ASIC2: variants seen among roughly 807,000 people sequenced by gnomAD.
The protein encoded by ASIC2 is acid-sensing ion channel 2.
A neutral mutation model predicts 57.3 loss-of-function variants in ASIC2; 25 were observed. The observed-to-expected ratio is 0.44, with a 90% CI of 0.32 to 0.61. The LOEUF is 0.61. Ranked by LOEUF, ASIC2 falls within the 20% of genes least tolerant of loss-of-function variation. The probability of loss-of-function intolerance (pLI) is 0.06; values close to 1 mark genes in which losing one functional copy is unlikely to be tolerated. For missense variants in ASIC2, 641 were observed against 738.1 expected (o/e 0.87, Z 1.52); for synonymous variants, 319 against 307.5 (o/e 1.04, Z -0.39).
chr17:33,421,653 T>C (rs980896618), intron 1 of ASIC2, among the ~76,000 whole-genome samples: 2 of 152,138 alleles, frequency 1.3e-5, no homozygotes, highest in Admixed American at 6.5e-5. Flanking sequence ...AAGGCAAAAG[T>C]GAGGTTTGTT....
rs191263252 is a variant in ASIC2, at chr17:33,873,845, C to G, written c.555+282133G>C. ...AGAAGCAGATGCCTCAAGCTCCCCTCTTTGTGAGAGAATAGTCTATGGCCC... is the reference window on the plus strand; with the variant it reads ...AGAAGCAGATGCCTCAAGCTCCCCTGTTTGTGAGAGAATAGTCTATGGCCC... On this transcript the variant is annotated intron_variant, in intron 1 of 9. Coordinates refer to the ASIC2 transcript ENST00000359872. Among the ~76,000 whole-genome samples the G allele has an allele frequency of 1.7e-4, 26 of 152,294 alleles. No homozygotes were observed. The East Asian group carries it at 5.0e-3, about 29-fold the overall frequency.
intron 1 of ASIC2, among the ~76,000 whole-genome samples, chr17:34,090,162 G>A (rs955513183): frequency 6.6e-6 from 1 of 152,162 alleles, no homozygotes; most frequent in African/African-American, 2.4e-5. Context: ...AGGGCTAGGG[G>A]GATGTGGTTT....
At position 33,495,550 on chromosome 17, in the gene ASIC2, T is replaced by A. The variant is rs138714752; in HGVS notation, c.556-383483A>T. ...ATGGCTCTCTGGGAACTCAGATTGA[T>A]CTTGCGTGCCTGTTTCCTATTGAGT... On this transcript the variant is annotated intron_variant, in intron 1 of 9. Coordinates refer to the ASIC2 transcript ENST00000359872. Among the ~76,000 whole-genome samples, 711 of 152,322 alleles carry A rather than the reference T, an allele frequency of 4.7e-3. 6 individuals are homozygous for A. The highest frequency in any genetic ancestry group is 0.016 in the African/African-American group (673 of 41,574).
At chr17:33,021,144 C>G in intron 7 of ASIC2, 75 bp downstream of exon 7, 1 of 1,133,170 alleles carries the variant, frequency 8.8e-7, no homozygotes, top group East Asian at 2.5e-5. Flanking sequence ...TGCTTGCCTC[C>G]CATCCACCTG....
intron 1 of ASIC2, among the ~76,000 whole-genome samples, chr17:34,026,877 G>C (rs148229734): frequency 9.2e-5 from 14 of 152,302 alleles, no homozygotes; most frequent in Non-Finnish European, 1.6e-4. Flanking sequence ...ACATCTGACA[G>C]TTTTTGCACA....
At chr17:33,754,302 G>A (rs1305012138) in intron 1 of ASIC2, among the ~76,000 whole-genome samples, 6 of 152,102 alleles carry the variant, frequency 3.9e-5, no homozygotes, top group Admixed American at 6.6e-5. Flanking sequence ...GGCAGGTGGC[G>A]TTCCTTCTGG....
At chr17:33,517,587 G>C (rs552666290) in intron 1 of ASIC2, among the ~76,000 whole-genome samples, 2 of 150,648 alleles carry the variant, frequency 1.3e-5, no homozygotes, top group Non-Finnish European at 2.9e-5. Flanking sequence ...TGGGGTTGGA[G>C]AATCTACTCT....
intron 1 of ASIC2, among the ~76,000 whole-genome samples, chr17:33,799,425 TTC>T (rs373614583): frequency 2.9e-5 from 2 of 68,072 alleles, no homozygotes; most frequent in African/African-American, 6.4e-5. Flanking sequence ...CTTTCTTTCT[TTC>T]TTCTTTCTTT....
chr17:33,944,088 C>T (rs1343099903), intron 1 of ASIC2, among the ~76,000 whole-genome samples: 3 of 152,072 alleles, frequency 2.0e-5, no homozygotes, highest in Non-Finnish European at 4.4e-5. Context: ...GTTTTCAGAT[C>T]ACTCAGGTGG....
At chr17:33,611,713 A>G (rs1905415544) in intron 1 of ASIC2, among the ~76,000 whole-genome samples, 1 of 152,234 alleles carries the variant, frequency 6.6e-6, no homozygotes, top group African/African-American at 2.4e-5. Flanking sequence ...AGATTGTGCA[A>G]GCACATGCAA....
Position 34,120,731 on chromosome 17 carries a change from T to C in ASIC2, c.555+35247A>G, listed in dbSNP as rs1351837521. On this transcript the variant is annotated intron_variant, in intron 1 of 9. Transcript: ENST00000359872. Reference sequence around the variant, plus strand: ...AATGACTGGGGTCCTTCTTTTTTTTTTTTTTTTCTTTTTTTTTTTTTTTTT... The same window carrying C: ...AATGACTGGGGTCCTTCTTTTTTTTCTTTTTTTCTTTTTTTTTTTTTTTTT... Among the ~76,000 whole-genome samples the C allele has an allele frequency of 2.2e-3, 303 of 140,640 alleles. 2 individuals are homozygous for C. Among genetic ancestry groups the C allele is most frequent in the Non-Finnish European group, 3.7e-3 (245 of 66,298 alleles). 92.3% of individuals were successfully genotyped at this position (140,640 alleles called of 152,430 possible).
At chr17:33,273,549 G>T (rs578212908) in intron 1 of ASIC2, among the ~76,000 whole-genome samples, 1 of 152,250 alleles carries the variant, frequency 6.6e-6, no homozygotes, top group African/African-American at 2.4e-5. Context: ...ACCACTGAAG[G>T]GGGTGGAGGT....
intron 1 of ASIC2, among the ~76,000 whole-genome samples, chr17:33,881,356 A>C (rs1348149593): frequency 2.0e-5 from 3 of 152,230 alleles, no homozygotes; most frequent in African/African-American, 7.2e-5. Flanking sequence ...GTATATCTAG[A>C]AAACCCCATC....
intron 1 of ASIC2, among the ~76,000 whole-genome samples, chr17:33,863,900 G>GTTTTTTTTTTTTTTT (rs1031021531): frequency 2.8e-5 from 2 of 72,492 alleles, no homozygotes; most frequent in Non-Finnish European, 3.1e-5. Flanking sequence ...CTCTTTTTTT[G>GTTTTTTTTTTTTTTT]TTTTTTTTTT....
intron 1 of ASIC2, among the ~76,000 whole-genome samples, chr17:33,340,135 T>C (rs1457998571): frequency 6.6e-6 from 1 of 152,170 alleles, no homozygotes; most frequent in Admixed American, 6.5e-5. Flanking sequence ...GTCAGCAGCG[T>C]TAAAACTCAG....
At chr17:34,128,378 G>A (rs1442851126) in intron 1 of ASIC2, among the ~76,000 whole-genome samples, 6 of 149,702 alleles carry the variant, frequency 4.0e-5, no homozygotes, top group Admixed American at 4.0e-4. Context: ...TTCTTGTAAT[G>A]CATCAAGGGA....
At chr17:33,736,608 T>C (rs979221353) in intron 1 of ASIC2, among the ~76,000 whole-genome samples, 7 of 152,184 alleles carry the variant, frequency 4.6e-5, no homozygotes, top group Non-Finnish European at 7.4e-5. Flanking sequence ...TTTAAGTTTT[T>C]TTTCAATTAC....
chr17:33,636,876 C>A (rs893907672), intron 1 of ASIC2, among the ~76,000 whole-genome samples: 1 of 143,992 alleles, frequency 6.9e-6, no homozygotes, highest in Non-Finnish European at 1.6e-5. Context: ...CATGCACACA[C>A]ACCCACACAC....
chr17:33,650,889 G>A (rs544593451), intron 1 of ASIC2, among the ~76,000 whole-genome samples: 1 of 152,188 alleles, frequency 6.6e-6, no homozygotes, highest in Non-Finnish European at 1.5e-5. Context: ...TCCTTGTGGT[G>A]ATAGAGGTAT....
Sources: gnomAD v4.1 joint callset for allele counts (sites outside exome capture counted in the v4.1 genomes callset) on GRCh38, gnomAD v4.1.1 for gene constraint, MANE v1.5 for transcripts, NCBI Gene and HGNC (gene_info 2026-07-23, HGNC 2026-07-21) for gene names.